COL5A2: variants seen among roughly 807,000 people sequenced by gnomAD.
COL5A2 encodes the protein collagen alpha-2(V) chain.
Under a neutral mutation model 208.2 loss-of-function variants are expected in COL5A2, and 23 were observed. The ratio of observed to expected loss-of-function variants is 0.11; its 90% CI spans 0.08 to 0.16. COL5A2 has a LOEUF of 0.16. Ranked by LOEUF, COL5A2 falls within the 10% of genes least tolerant of loss-of-function variation. The pLI is 1.00. For missense variants in COL5A2, 1,590 were observed against 1,956.4 expected (o/e 0.81, Z 3.53); for synonymous variants, 625 against 628.5 (o/e 0.99, Z 0.08).
At chr2:189,371,025 C>T in the COL5A2 span, among the ~76,000 whole-genome samples, 1 of 152,092 alleles carries the variant, frequency 6.6e-6, no homozygotes, top group Non-Finnish European at 1.5e-5. Context: ...ACACCATCCC[C>T]TTGGTGATAA....
chr2:189,120,704 A>T (rs577734055), intron 1 of COL5A2, among the ~76,000 whole-genome samples: 7 of 152,332 alleles, frequency 4.6e-5, no homozygotes, highest in Admixed American at 1.3e-4. Context: ...AGAAAGTGGA[A>T]ACCCATAAAT....
At chr2:189,069,394 T>A (rs1204220489) in intron 18 of COL5A2, among the ~76,000 whole-genome samples, 83 of 152,210 alleles carry the variant, frequency 5.5e-4, no homozygotes, top group Admixed American at 5.4e-3. Flanking sequence ...ACTTTTAGTA[T>A]GTTCTTACAT....
the COL5A2 span, among the ~76,000 whole-genome samples, chr2:189,251,318 A>G: frequency 6.6e-6 from 1 of 152,262 alleles, no homozygotes; most frequent in Non-Finnish European, 1.5e-5. Context: ...GTAGACACTA[A>G]TACTCAAAAT....
the COL5A2 span, among the ~76,000 whole-genome samples, chr2:189,323,513 C>T: frequency 6.6e-6 from 1 of 152,108 alleles, no homozygotes; most frequent in Admixed American, 6.5e-5. Flanking sequence ...CACAAGCATT[C>T]TTATACACCA....
the COL5A2 span, among the ~76,000 whole-genome samples, chr2:189,422,171 G>A: frequency 5.9e-5 from 9 of 152,188 alleles, no homozygotes; most frequent in East Asian, 9.7e-4. Context: ...AAAATAAAGT[G>A]CCAGTGACTG....
chr2:189,157,259 T>C (rs1688273217), intron 1 of COL5A2, among the ~76,000 whole-genome samples: 1 of 151,880 alleles, frequency 6.6e-6, no homozygotes, highest in South Asian at 2.1e-4. Flanking sequence ...ATGAAAGTTG[T>C]ATAAATTTGC....
chr2:189,229,097 A>C (rs1689450434), upstream of COL5A2, among the ~76,000 whole-genome samples: 2 of 151,862 alleles, frequency 1.3e-5, no homozygotes, highest in African/African-American at 2.4e-5. Flanking sequence ...AGTATTTGGC[A>C]AAAGTCAATA....
chr2:189,036,911 G>A, intron 51 of COL5A2, 108 bp from the exon 52 acceptor site: 1 of 928,480 alleles, frequency 1.1e-6, no homozygotes, highest in East Asian at 2.6e-5. Flanking sequence ...ACTGATTAAG[G>A]ATTCTTTTAA....
chr2:189,114,288 A>G (rs962726781), intron 1 of COL5A2, among the ~76,000 whole-genome samples: 2 of 152,196 alleles, frequency 1.3e-5, no homozygotes, highest in Non-Finnish European at 2.9e-5. Context: ...AGACATGTAC[A>G]AAGAAACAGT....
chr2:189,414,753 CAAAA>C, the COL5A2 span, among the ~76,000 whole-genome samples: 1 of 70,306 alleles, frequency 1.4e-5, no homozygotes, highest in African/African-American at 5.6e-5. Context: ...GACTCTGTCT[CAAAA>C]AAAAAAAAAA....
chr2:189,247,461 A>G, the COL5A2 span, among the ~76,000 whole-genome samples: 1 of 151,854 alleles, frequency 6.6e-6, no homozygotes, highest in Non-Finnish European at 1.5e-5. Context: ...ACACAGAGAA[A>G]CCCAACATGA....
chr2:189,090,769 A>G (rs1268450201), intron 7 of COL5A2, among the ~76,000 whole-genome samples: 2 of 152,220 alleles, frequency 1.3e-5, no homozygotes, highest in Non-Finnish European at 2.9e-5. Flanking sequence ...ACATCTGTTT[A>G]CAGCCTTTAC....
At chr2:189,217,336 A>G (rs904986302) in intron 1 of COL5A2, among the ~76,000 whole-genome samples, 1 of 152,192 alleles carries the variant, frequency 6.6e-6, no homozygotes, top group Non-Finnish European at 1.5e-5. Flanking sequence ...TATTTATAAT[A>G]CAAGTATAAA....
At chr2:189,139,529 G>T (rs529972532) in intron 1 of COL5A2, among the ~76,000 whole-genome samples, 17 of 152,080 alleles carry the variant, frequency 1.1e-4, no homozygotes, top group Non-Finnish European at 1.5e-4. Flanking sequence ...AAGGAGACAT[G>T]CAACTAAATG....
At chr2:189,235,305 T>C in the COL5A2 span, among the ~76,000 whole-genome samples, 1 of 151,850 alleles carries the variant, frequency 6.6e-6, no homozygotes, top group Non-Finnish European at 1.5e-5. Flanking sequence ...ACTTTCTTAC[T>C]AAATCATCTG....
At chr2:189,125,826 T>C (rs985014513) in intron 1 of COL5A2, among the ~76,000 whole-genome samples, 2 of 152,072 alleles carry the variant, frequency 1.3e-5, no homozygotes, top group Admixed American at 1.3e-4. Flanking sequence ...TTGGCGCCCA[T>C]AACCCCCATA....
At chr2:189,218,146 T>C (rs1468996902) in intron 1 of COL5A2, among the ~76,000 whole-genome samples, 1 of 152,188 alleles carries the variant, frequency 6.6e-6, no homozygotes, top group African/African-American at 2.4e-5. Context: ...ACTTTCTAAC[T>C]AATAATAACA....
At chr2:189,059,584 G>GT (rs1559083852) in intron 31 of COL5A2, among the ~76,000 whole-genome samples, 2 of 21,226 alleles carry the variant, frequency 9.4e-5, no homozygotes, top group African/African-American at 1.8e-4. Flanking sequence ...TTTCTTTTCT[G>GT]GTTTTTTTTT....
chr2:189,182,693 T>A (rs1455167505), upstream of COL5A2, among the ~76,000 whole-genome samples: 4 of 152,238 alleles, frequency 2.6e-5, no homozygotes, highest in African/African-American at 7.2e-5. Flanking sequence ...AAATCAAAGG[T>A]TCTTGTATTT....
Sources: allele counts gnomAD v4.1 joint callset (sites outside exome capture counted in the v4.1 genomes callset), GRCh38; gene constraint gnomAD v4.1.1; transcripts MANE v1.5; gene names NCBI Gene and HGNC (gene_info 2026-07-23, HGNC 2026-07-21).